The following CIB1 variants were observed in gnomAD, a reference collection of about 807,000 sequenced individuals.
CIB1 encodes the protein calcium and integrin binding 1, also known as calcium and integrin-binding protein 1.
CIB1 carries 19 observed loss-of-function variants against 25.0 expected under a neutral mutation model. That is an observed-to-expected ratio of 0.76 (90% CI 0.53 to 1.12). CIB1 has a LOEUF of 1.12. Among genes scored for constraint, CIB1 ranks in the 50% most tolerant of loss-of-function variants. The probability of loss-of-function intolerance (pLI) is 0.00; values close to 1 mark genes in which losing one functional copy is unlikely to be tolerated. For missense variants in CIB1, 236 were observed against 242.6 expected (o/e 0.97, Z 0.18); for synonymous variants, 104 against 98.5 (o/e 1.06, Z -0.33).
At chr15:90,258,917 C>T in the CIB1 span, 87 of 1,614,010 alleles carry the variant, frequency 5.4e-5, no homozygotes, top group Middle Eastern at 1.6e-4. Flanking sequence ...CCGACAGCCA[C>T]GAGAATCTAG....
chr15:90,257,207 C>T, the CIB1 span: 95 of 1,613,910 alleles, frequency 5.9e-5, no homozygotes, highest in African/African-American at 6.0e-4. Context: ...TGACCCTCTC[C>T]GGATCTTCAC....
chr15:90,256,166 C>T, the CIB1 span: 72 of 1,614,014 alleles, frequency 4.5e-5, 1 homozygote, highest in South Asian at 7.4e-4. Flanking sequence ...GTCCTACGGT[C>T]GTCAGCGAAA....
the CIB1 span, among the ~76,000 whole-genome samples, chr15:90,247,764 C>T: frequency 3.3e-4 from 49 of 150,378 alleles, 1 homozygote; most frequent in African/African-American, 1.2e-3. Flanking sequence ...GAGACAGAGA[C>T]TCCCTCTGTC....
chr15:90,256,181 C>T, the CIB1 span: 16 of 1,614,036 alleles, frequency 9.9e-6, no homozygotes, highest in African/African-American at 5.3e-5. Context: ...GCGAAAAGCC[C>T]GCACATATAT....
At chr15:90,243,137 A>G in the CIB1 span, 1 of 152,152 alleles carries the variant, frequency 6.6e-6, no homozygotes, top group Admixed American at 6.6e-5. Context: ...TGCCTCCAGT[A>G]TTGAGCTGCC....
chr15:90,256,553 CTTTCTTTCTT>C, the CIB1 span, among the ~76,000 whole-genome samples: 2 of 77,174 alleles, frequency 2.6e-5, no homozygotes, highest in African/African-American at 1.4e-4. Context: ...CTTTTTCTTT[CTTTCTTTCTT>C]TCTTTCTTTC....
the CIB1 span, chr15:90,255,933 G>T: frequency 2.5e-6 from 4 of 1,613,012 alleles, no homozygotes; most frequent in East Asian, 4.5e-5. Context: ...GGAGGAAAAG[G>T]GTCGCTCTCA....
upstream of CIB1, among the ~76,000 whole-genome samples, chr15:90,236,870 C>G (rs748331437): frequency 6.6e-6 from 1 of 152,104 alleles, no homozygotes; most frequent in Admixed American, 6.6e-5. Flanking sequence ...TGGTAGTCCT[C>G]GGTGAATCTG....
At chr15:90,231,583 G>A in intron 3 of CIB1, 76 bp from the exon 4 acceptor site, 1 of 1,542,952 alleles carries the variant, frequency 6.5e-7, no homozygotes, top group East Asian at 2.3e-5. Flanking sequence ...GAGAGAGCAG[G>A]TCACAGGACC....
the CIB1 span, chr15:90,251,730 C>A: frequency 1.2e-6 from 1 of 847,626 alleles, no homozygotes; most frequent in Non-Finnish European, 2.0e-6. Context: ...CTGTACTGAG[C>A]TTCCTAGGTG....
the CIB1 span, chr15:90,262,927 C>A: frequency 2.6e-6 from 4 of 1,523,234 alleles, no homozygotes; most frequent in African/African-American, 5.5e-5. Flanking sequence ...TGGGACTTAT[C>A]CTTGGAGATC....
At chr15:90,234,060 C>T (rs2151636937), upstream of CIB1, 2 of 714,172 alleles carry the variant, frequency 2.8e-6, no homozygotes, top group Non-Finnish European at 4.3e-6. Context: ...GTTTGGCAGG[C>T]GAGCTGCCGG....
the CIB1 span, among the ~76,000 whole-genome samples, chr15:90,256,545 T>TTTCTTTCTTTC: frequency 3.8e-5 from 4 of 105,390 alleles, no homozygotes; most frequent in Admixed American, 2.2e-4. Flanking sequence ...TCTCCTTCCT[T>TTTCTTTCTTTC]TTTCTTTCTT....
chr15:90,259,079 A>G, the CIB1 span: 1 of 1,452,154 alleles, frequency 6.9e-7, no homozygotes, highest in Non-Finnish European at 9.1e-7. Flanking sequence ...AAAAAATCAC[A>G]GGACCAGGCT....
the CIB1 span, among the ~76,000 whole-genome samples, chr15:90,251,939 A>G: frequency 6.6e-6 from 1 of 152,000 alleles, no homozygotes; most frequent in Admixed American, 6.6e-5. Flanking sequence ...CAGTATTGCA[A>G]TCATAGCTTA....
At chr15:90,241,435 A>G in the CIB1 span, 9 of 1,613,530 alleles carry the variant, frequency 5.6e-6, no homozygotes, top group Non-Finnish European at 7.6e-6. Flanking sequence ...CCTGCCCGCC[A>G]GCTCCCCCAG....
chr15:90,234,395 G>C (rs1962587749), upstream of CIB1: 1 of 153,084 alleles, frequency 6.5e-6, no homozygotes, highest in South Asian at 2.1e-4. Flanking sequence ...CTGAGTGGCG[G>C]GGGTCGTCGG....
chr15:90,246,789 A>AAAAAAAAAAAAAAAG, the CIB1 span, among the ~76,000 whole-genome samples: 1 of 24,242 alleles, frequency 4.1e-5, no homozygotes, highest in Non-Finnish European at 6.4e-5. Context: ...CTCTGTCTCA[A>AAAAAAAAAAAAAAAG]AAAAAAAAAA....
chr15:90,264,976 G>A, the CIB1 span: 6 of 1,531,506 alleles, frequency 3.9e-6, no homozygotes, highest in Non-Finnish European at 5.2e-6. Context: ...AAAAGCAGGA[G>A]GGAAGCACTC....
Sources: allele counts gnomAD v4.1 joint callset (sites outside exome capture counted in the v4.1 genomes callset), GRCh38; gene constraint gnomAD v4.1.1; transcripts MANE v1.5; gene names NCBI Gene and HGNC (gene_info 2026-07-23, HGNC 2026-07-21).